Variants in RNF14 observed in about 807,000 individuals in gnomAD.
RNF14 encodes ring finger protein 14, also known as E3 ubiquitin-protein ligase RNF14.
Under a neutral mutation model 52.6 loss-of-function variants are expected in RNF14, and 26 were observed. That is an observed-to-expected ratio of 0.49 (90% CI 0.36 to 0.69). The LOEUF (loss-of-function observed/expected upper bound fraction) is 0.69. RNF14 is among the 30% of genes least tolerant of loss of function. The pLI, the probability that RNF14 is intolerant of heterozygous loss-of-function variation, is 0.00. For synonymous variants in RNF14, 194 were observed against 202.0 expected, an observed-to-expected ratio of 0.96 and a Z score of 0.34; for missense variants, 404 against 560.4, an observed-to-expected ratio of 0.72 and a Z score of 2.82.
rs1277977402 is a variant in RNF14 at position 141,980,087 on chromosome 5, A to G, written c.835-36A>G. ...CCTCAGGTTCAGAACTGGTTGTGGA[A>G]TCATCAAACCTATGGTGTTTTGTAT... is the stretch of plus-strand genomic sequence containing the variant. On this transcript the variant is annotated intron_variant, in intron 5 of 8. Coordinates refer to ENST00000394520, the MANE Select transcript of RNF14 (RefSeq NM_004290.5). 10 of 1,559,940 alleles carry G rather than the reference A, an allele frequency of 6.4e-6. No individual in the cohort carries two copies. The East Asian group carries it at 1.1e-4, about 17-fold the overall frequency.
At chr5:141,986,160 C>T (rs957701961) in intron 8 of RNF14, among the ~76,000 whole-genome samples, 2 of 152,202 alleles carry the variant, frequency 1.3e-5, no homozygotes, top group African/African-American at 4.8e-5. Context: ...AGGAAGTAAT[C>T]TGTGGGGTGA....
At chr5:141,951,651 G>A in the RNF14 span, 15 of 1,230,404 alleles carry the variant, frequency 1.2e-5, no homozygotes, top group South Asian at 2.4e-5. Context: ...CTTCCTCGCC[G>A]GATGTTTCCC....
upstream of RNF14, chr5:141,956,698 TG>T (rs1753190534): frequency 6.2e-7 from 1 of 1,614,240 alleles, no homozygotes; most frequent in Non-Finnish European, 8.5e-7. Flanking sequence ...CAAACCATTG[TG>T]TCCTGAATCC....
chr5:141,984,173 C>G (rs1361893161), intron 7 of RNF14, among the ~76,000 whole-genome samples: 1 of 150,384 alleles, frequency 6.6e-6, no homozygotes, highest in Non-Finnish European at 1.5e-5. Context: ...TCTCAGCTAA[C>G]TGCAATCCCC....
chr5:141,975,280 T>C (rs537400481), intron 4 of RNF14, among the ~76,000 whole-genome samples: 18 of 152,352 alleles, frequency 1.2e-4, no homozygotes, highest in African/African-American at 4.1e-4. Context: ...TCATTTTCCT[T>C]AGACATTGAT....
At chr5:141,958,861 C>G (rs554044266) in intron 1 of RNF14, 10 of 152,302 alleles carry the variant, frequency 6.6e-5, no homozygotes, top group Non-Finnish European at 1.3e-4. Flanking sequence ...GGGCCTGGCC[C>G]CGAGTCACAG....
rs189956945 is a variant in RNF14, at chr5:141,960,957, C to T, written c.-181+2532C>T. On this transcript the variant is annotated intron_variant, in intron 1 of 4. Coordinates refer to the RNF14 transcript ENST00000506822. ...CAGAGGCAGGGACCGGGGACAGCCA[C>T]GAAAACAGGAAGTGGGTGCCTGGGG... Among the ~76,000 whole-genome samples the T allele has an allele frequency of 3.9e-5, 6 of 152,218 alleles. No individual in the cohort carries two copies. The East Asian group carries it at 7.7e-4, about 20-fold the overall frequency.
At chr5:141,980,838 T>C (rs1297409244) in intron 6 of RNF14, among the ~76,000 whole-genome samples, 1 of 152,186 alleles carries the variant, frequency 6.6e-6, no homozygotes, top group African/African-American at 2.4e-5. Context: ...GGATGGCCAA[T>C]GCAGGGCATC....
rs774605418 is a variant in RNF14 at position 141,973,703 on chromosome 5, T to G, written c.115T>G (p.Tyr39Asp). ...ESVQGGETRI[Y>D]LDLPQNFKIF... is the part of the protein sequence containing the mutation. ...TGTCCAAGGTGGAGAAACCAGGATC[T>G]ATTTGGATTTGCCACAGAATTTCAA... The change falls in exon 3 of 9, where the codon TAT becomes GAT. Residue 39 changes from tyrosine (Y) to aspartate (D), a missense_variant. By Grantham distance (160) the Tyr-to-Asp change is radical. Coordinates refer to ENST00000394520, the MANE Select transcript of RNF14 (RefSeq NM_004290.5). 2 of 1,611,584 alleles carry G rather than the reference T, an allele frequency of 1.2e-6. No individual in the cohort carries two copies. The highest frequency in any genetic ancestry group is 1.7e-6 in the Non-Finnish European group (2 of 1,179,306).
In RNF14 at chr5:141,984,847, A is replaced by C; in HGVS notation, c.1281A>C (p.Gln427His). 1 of 1,613,502 alleles carries C rather than the reference A, an allele frequency of 6.2e-7. No individual in the cohort carries two copies. Among genetic ancestry groups the C allele is most frequent in the Middle Eastern group, 1.7e-4 (1 of 6,058 alleles). ...AGATGACATGTACTGGCTGTATGCA[A>C]TATTTCTGTTGGATTTGCATGGGTT... ...CNKMTCTGCM[Q>H]YFCWICMGSL... The change falls in exon 8 of 9, where the codon CAA (glutamine) becomes CAC (histidine). Residue 427 changes from glutamine to histidine, a missense_variant. Gln to His is a conservative substitution (Grantham distance 24, BLOSUM62 0). Transcript: ENST00000394520.
intron 2 of RNF14, among the ~76,000 whole-genome samples, chr5:141,973,173 T>C (rs1482033320): frequency 1.3e-5 from 2 of 152,150 alleles, no homozygotes; most frequent in Non-Finnish European, 2.9e-5. Flanking sequence ...AAAGTGATAA[T>C]ATCGATTAAT....
At chr5:141,967,612 A>C (rs1753393255), upstream of RNF14, among the ~76,000 whole-genome samples, 1 of 152,110 alleles carries the variant, frequency 6.6e-6, no homozygotes, top group South Asian at 2.1e-4. Flanking sequence ...CCTGCCCGGG[A>C]GGCAATGGTG....
At chr5:141,951,670 G>T in the RNF14 span, 1 of 1,022,062 alleles carries the variant, frequency 9.8e-7, no homozygotes, top group Non-Finnish European at 1.6e-6. Flanking sequence ...CCTCAATGCC[G>T]GTGCTTTCTT....
intron 4 of RNF14, among the ~76,000 whole-genome samples, chr5:141,976,318 C>T (rs749349199): frequency 3.3e-5 from 5 of 150,636 alleles, no homozygotes; most frequent in South Asian, 2.1e-4. Context: ...CGTGCATGCA[C>T]GTGCATGCAC....
At chr5:141,985,833 G>A (rs567439721) in intron 8 of RNF14, among the ~76,000 whole-genome samples, 26 of 152,308 alleles carry the variant, frequency 1.7e-4, no homozygotes, top group Middle Eastern at 3.4e-3. Context: ...GATTACAGGC[G>A]TGAGCCACCA....
chr5:141,949,813 G>A, the RNF14 span, among the ~76,000 whole-genome samples: 2 of 152,148 alleles, frequency 1.3e-5, no homozygotes, highest in South Asian at 2.1e-4. Flanking sequence ...TGTTGTGAGG[G>A]TAAAATGAGA....
intron 4 of RNF14, among the ~76,000 whole-genome samples, chr5:141,976,887 C>G (rs1478078429): frequency 6.7e-6 from 1 of 149,150 alleles, no homozygotes; most frequent in Non-Finnish European, 1.5e-5. Flanking sequence ...CTAGTGGGTT[C>G]AAGTGGTTGT....
upstream of RNF14, chr5:141,955,936 C>T (rs762470414): frequency 1.1e-5 from 18 of 1,614,038 alleles, no homozygotes; most frequent in Middle Eastern, 1.6e-4. The surrounding 1 kb of genome is among the most constrained non-coding windows in gnomAD (Gnocchi z 5.5). Flanking sequence ...ATTTCCACTG[C>T]GGATGCTGTA....
At chr5:141,977,474 T>A (rs1231755289) in intron 4 of RNF14, among the ~76,000 whole-genome samples, 1 of 152,270 alleles carries the variant, frequency 6.6e-6, no homozygotes, top group Non-Finnish European at 1.5e-5. Context: ...TGCTTATAAT[T>A]CCTGTGCTCT....
Sources: gnomAD v4.1 joint callset for allele counts (sites outside exome capture counted in the v4.1 genomes callset) on GRCh38, gnomAD v4.1.1 for gene constraint, Gnocchi (gnomAD v3.1) non-coding constraint, MANE v1.5 for transcripts, NCBI Gene and HGNC (gene_info 2026-07-23, HGNC 2026-07-21) for gene names.